ADGRD1: variants seen among roughly 807,000 people sequenced by gnomAD.
ADGRD1 encodes the protein adhesion G protein-coupled receptor D1, also known as G-protein coupled receptor 133.
In ADGRD1, 77 loss-of-function variants were observed where a neutral mutation model predicts 113.4. The ratio of observed to expected loss-of-function variants is 0.68; its 90% CI spans 0.57 to 0.82. The LOEUF is 0.82. Ranked by LOEUF, ADGRD1 falls within the 40% of genes least tolerant of loss-of-function variation. The pLI is 0.00. For synonymous variants in ADGRD1, 474 were observed against 475.0 expected (o/e 1.00, Z 0.03); for missense variants, 1,036 against 1,139.1 (o/e 0.91, Z 1.30).
intron 13 of ADGRD1, among the ~76,000 whole-genome samples, chr12:131,071,753 C>A (rs1419443647): frequency 6.6e-6 from 1 of 152,272 alleles, no homozygotes; most frequent in East Asian, 1.9e-4. Flanking sequence ...GATGCGGGCA[C>A]CAGGGTGCTC....
Position 130,965,014 on chromosome 12 carries a change from C to A in ADGRD1, c.104-1449C>A, listed in dbSNP as rs527910869. 6.6e-6 allele frequency among the ~76,000 whole-genome samples: 1 copy of A among 152,184 alleles called. No homozygotes were observed. Among genetic ancestry groups the A allele is most frequent in the Non-Finnish European group, 1.5e-5 (1 of 68,032 alleles). Reference sequence around the variant, plus strand: ...TAAAGTATAGTTTACGACATTGAGTCGGCTTTTCCAAGAATAGGTTGAATC... The same window carrying A: ...TAAAGTATAGTTTACGACATTGAGTAGGCTTTTCCAAGAATAGGTTGAATC... On this transcript the variant is annotated intron_variant, in intron 2 of 24. Coordinates refer to ENST00000261654, the MANE Select transcript of ADGRD1 (RefSeq NM_198827.5). This position sits in a 1 kb window ranked among gnomAD's most constrained non-coding sequence, Gnocchi z 4.8.
chr12:130,989,933 C>T (rs1039689785), intron 6 of ADGRD1: 8 of 152,348 alleles, frequency 5.3e-5, no homozygotes, highest in African/African-American at 1.7e-4. Flanking sequence ...AAGCATGTAC[C>T]TTTGGGCACT....
At position 131,003,952 on chromosome 12, in the gene ADGRD1, CCG is replaced by C. The variant is rs1296538334; in HGVS notation, c.1145-228_1145-227del. On this transcript the variant is annotated intron_variant, in intron 10 of 24. Coordinates refer to ENST00000261654, the MANE Select transcript of ADGRD1 (RefSeq NM_198827.5). This position sits in a 1 kb window ranked among gnomAD's most constrained non-coding sequence, Gnocchi z 4.8. ...GGCGGAGGGCGCCCCAGGTGAGGAG[CCG>C]CGCGCCCGTGGGCCGGAATGCTGAG... 6.6e-6 allele frequency among the ~76,000 whole-genome samples: 1 copy of C among 151,380 alleles called. No homozygotes were observed. The highest frequency in any genetic ancestry group is 2.4e-5 in the African/African-American group (1 of 41,236).
chr12:130,969,280 G>A (rs1388541534), intron 3 of ADGRD1: 9 of 524,312 alleles, frequency 1.7e-5, no homozygotes, highest in Non-Finnish European at 2.0e-5. Flanking sequence ...TAGAACAGGG[G>A]TCCCCAGTCC....
chr12:131,032,823 C>T (rs1328640932), intron 13 of ADGRD1, among the ~76,000 whole-genome samples: 1 of 20,020 alleles, frequency 5.0e-5, no homozygotes, highest in Non-Finnish European at 9.4e-5. Flanking sequence ...ATCGCCACCC[C>T]GTCACAGAGG....
In ADGRD1 at chr12:131,041,978, G is replaced by A. The variant is rs371703609; in HGVS notation, c.1473+27638G>A. On this transcript the variant is annotated intron_variant, in intron 13 of 24. Coordinates refer to ENST00000261654, the MANE Select transcript of ADGRD1 (RefSeq NM_198827.5). This position sits in a 1 kb window ranked among gnomAD's most constrained non-coding sequence, Gnocchi z 4.4. ...GATGACCTAGGGTTCCTTCGCAGTC[G>A]GGTTTGTTATCCGAGTCCCCGAGGA... Among the ~76,000 whole-genome samples, 11 of 152,300 alleles carry A rather than the reference G, an allele frequency of 7.2e-5. No homozygotes were observed. The East Asian group carries it at 1.7e-3, about 24-fold the overall frequency.
At chr12:131,059,473 G>A (rs367547217) in intron 13 of ADGRD1, among the ~76,000 whole-genome samples, 2 of 152,234 alleles carry the variant, frequency 1.3e-5, no homozygotes, top group South Asian at 2.1e-4. Flanking sequence ...TAGCCACCAC[G>A]CCCAGCCCAT....
chr12:131,009,660 T>TGC (rs1877617054), intron 12 of ADGRD1, among the ~76,000 whole-genome samples: 1 of 152,188 alleles, frequency 6.6e-6, no homozygotes. Flanking sequence ...GTTGTGTGTG[T>TGC]GCACACAGGT....
intron 15 of ADGRD1, among the ~76,000 whole-genome samples, chr12:131,091,280 A>G (rs942622516): frequency 9.2e-5 from 14 of 152,268 alleles, no homozygotes; most frequent in Non-Finnish European, 1.6e-4. Context: ...AATTAAAAGA[A>G]TCAGCAAGTA....
intron 23 of ADGRD1, chr12:131,137,244 T>G (rs867411): frequency 0.63 from 376,508 of 593,082 alleles, 121,228 homozygotes; most frequent in Middle Eastern, 0.73. Flanking sequence ...CCCTGGAGAA[T>G]TGGCGACTGC....
intron 15 of ADGRD1, among the ~76,000 whole-genome samples, chr12:131,086,670 G>A (rs980085447): frequency 6.6e-5 from 10 of 152,340 alleles, no homozygotes; most frequent in Admixed American, 2.0e-4. Context: ...CTCACAGGGC[G>A]AAAGACGCAC....
chr12:131,092,995 C>A (rs1309006030), intron 15 of ADGRD1, among the ~76,000 whole-genome samples: 1 of 151,438 alleles, frequency 6.6e-6, no homozygotes, highest in African/African-American at 2.4e-5. Flanking sequence ...GCACTCAGGG[C>A]GAGGTCCCCA....
rs59316284 is a variant in ADGRD1, at chr12:131,086,232, T to G, written c.1671+1569T>G. ...GTCCTGCGTGGTTTTGTGTGGGTTT[T>G]GGGGGTGTTGAATGGGTTGGGCTTC... On this transcript the variant is annotated intron_variant, in intron 15 of 24. Coordinates refer to ENST00000261654, the MANE Select transcript of ADGRD1 (RefSeq NM_198827.5). Among the ~76,000 whole-genome samples the G allele has an allele frequency of 6.5e-3, 987 of 152,216 alleles. 15 individuals carry two copies. Among genetic ancestry groups the G allele is most frequent in the African/African-American group, 0.023 (937 of 41,528 alleles).
chr12:130,992,443 C>T lies in ADGRD1; in HGVS notation c.966+51C>T, dbSNP rs373223199. On this transcript the variant is annotated intron_variant, in intron 8 of 24. Coordinates refer to ENST00000261654, the MANE Select transcript of ADGRD1 (RefSeq NM_198827.5). ...GGTGGACCGGGCGTGGCACCCTTACCGGGACCATAGATGTTTCTGTTTGAC... is the reference window on the plus strand; with the variant it reads ...GGTGGACCGGGCGTGGCACCCTTACTGGGACCATAGATGTTTCTGTTTGAC... 176 of 1,470,998 alleles carry T rather than the reference C, an allele frequency of 1.2e-4. 1 individual carries two copies. The highest frequency in any genetic ancestry group is 8.5e-4 in the Admixed American group (45 of 52,668). The allele number at this position is 1,470,998 out of a possible 1,614,324, so 91.1% of individuals were successfully genotyped here.
At position 131,042,557 on chromosome 12, in the gene ADGRD1, G is replaced by A. The variant is rs570315158; in HGVS notation, c.1473+28217G>A. ...TACGTCCTCCACTTGAAAACCTTGA[G>A]GACTCGTCACTCTCCCAGCTCAGAT... On this transcript the variant is annotated intron_variant, in intron 13 of 24. Transcript: ENST00000261654. 3.3e-5 allele frequency among the ~76,000 whole-genome samples: 5 copies of A among 152,298 alleles called. No individual in the cohort carries two copies. In the East Asian group the frequency reaches 7.7e-4, roughly 24 times the overall value.
Position 131,104,836 on chromosome 12 carries a change from A to C in ADGRD1, c.1677A>C (p.Ala559=). 1 of 1,547,194 alleles carries C rather than the reference A, an allele frequency of 6.5e-7. No homozygotes were observed. Among genetic ancestry groups the C allele is most frequent in the East Asian group, 2.4e-5 (1 of 40,874 alleles). The change falls in exon 16 of 25, where the codon GCA becomes GCC. Residue 559 remains alanine, a synonymous_variant. Coordinates refer to ENST00000261654, the MANE Select transcript of ADGRD1 (RefSeq NM_198827.5). ...ILMQVVPLEL[A]RGHQVALSSI... ...CTCTGCTCTGCTCCCCGCAGCTTGC[A>C]CGCGGACACCAGGTGGCGCTGTCGT... is the stretch of plus-strand genomic sequence containing the variant.
chr12:131,136,195 G>A (rs1951080570), intron 22 of ADGRD1, 32 bp downstream of exon 22: 1 of 1,610,350 alleles, frequency 6.2e-7, no homozygotes, highest in Non-Finnish European at 8.5e-7. Context: ...GGGGAGGCAG[G>A]GCCGCCAGCC....
At chr12:130,994,893 G>T (rs1016123050) in intron 8 of ADGRD1, among the ~76,000 whole-genome samples, 1 of 152,232 alleles carries the variant, frequency 6.6e-6, no homozygotes, top group Non-Finnish European at 1.5e-5. Flanking sequence ...AAAGCTGCCT[G>T]TGGGATGCTG....
Position 131,021,476 on chromosome 12 carries a change from C to T in ADGRD1, c.1473+7136C>T, listed in dbSNP as rs192889559. ...CGATGCTGTGCGTCTTTGACAAGAACGCCAGGGAAGTGAAATGGTCCTTTC... is the reference window on the plus strand; with the variant it reads ...CGATGCTGTGCGTCTTTGACAAGAATGCCAGGGAAGTGAAATGGTCCTTTC... On this transcript the variant is annotated intron_variant, in intron 13 of 24. Coordinates refer to ENST00000261654, the MANE Select transcript of ADGRD1 (RefSeq NM_198827.5). 1.5e-3 allele frequency among the ~76,000 whole-genome samples: 226 copies of T among 152,262 alleles called. 2 individuals are homozygous for T. Among genetic ancestry groups the T allele is most frequent in the African/African-American group, 5.0e-3 (208 of 41,524 alleles).
Sources: gnomAD v4.1 joint callset for allele counts (sites outside exome capture counted in the v4.1 genomes callset) on GRCh38, gnomAD v4.1.1 for gene constraint, Gnocchi (gnomAD v3.1) non-coding constraint, MANE v1.5 for transcripts, NCBI Gene and HGNC (gene_info 2026-07-23, HGNC 2026-07-21) for gene names.